The following RIMKLB variants were observed in gnomAD, a reference collection of about 807,000 sequenced individuals.
RIMKLB encodes the protein beta-citrylglutamate synthase B.
RIMKLB carries 7 observed loss-of-function variants against 32.0 expected under a neutral mutation model. The observed-to-expected ratio is 0.22, with a 90% confidence interval of 0.12 to 0.41. The LOEUF is 0.41. Among genes scored for constraint, RIMKLB ranks in the 10% least tolerant of loss-of-function variants. The pLI is 1.00. For missense variants in RIMKLB, 289 were observed against 498.7 expected, an observed-to-expected ratio of 0.58 and a Z score of 4.00; for synonymous variants, 172 against 185.1, an observed-to-expected ratio of 0.93 and a Z score of 0.57.
chr12:8,685,635 A>G (rs1368480400), intron 1 of RIMKLB, among the ~76,000 whole-genome samples: 1 of 147,098 alleles, frequency 6.8e-6, no homozygotes, highest in African/African-American at 2.6e-5. Context: ...ATTTGCAGTG[A>G]TGCCTGCTCT....
At chr12:8,782,393 TTG>T (rs1491259134) in intron 7 of RIMKLB, among the ~76,000 whole-genome samples, 3 of 150,960 alleles carry the variant, frequency 2.0e-5, no homozygotes, top group Non-Finnish European at 4.5e-5. Context: ...GGAGACATCT[TTG>T]TGGTTTTATA....
In RIMKLB at chr12:8,705,338, G is replaced by A. The variant is rs1215367306; in HGVS notation, c.-57+7041G>A. Among the ~76,000 whole-genome samples the A allele has an allele frequency of 2.6e-5, 4 of 152,172 alleles. No homozygotes were observed. In the East Asian group the frequency reaches 7.7e-4, roughly 29 times the overall value. On this transcript the variant is annotated intron_variant, in intron 1 of 5. Coordinates refer to ENST00000535829, the MANE Select transcript of RIMKLB (RefSeq NM_001297776.2). Reference sequence around the variant, plus strand: ...CTAAAAATACAAAAATTAGCCGGGTGTGGTGGCACACGCCTGTAGTCCCAG... The same window carrying A: ...CTAAAAATACAAAAATTAGCCGGGTATGGTGGCACACGCCTGTAGTCCCAG...
At chr12:8,730,465 T>C (rs1157923349) in intron 2 of RIMKLB, among the ~76,000 whole-genome samples, 2 of 152,182 alleles carry the variant, frequency 1.3e-5, no homozygotes, top group African/African-American at 4.8e-5. Context: ...GATGGTCCAT[T>C]GCATGTCTCC....
the RIMKLB span, among the ~76,000 whole-genome samples, chr12:8,672,271 C>CT: frequency 2.0e-5 from 3 of 152,214 alleles, no homozygotes; most frequent in Non-Finnish European, 2.9e-5. Context: ...ACCCTTCAAA[C>CT]TGTTCTAATC....
intron 2 of RIMKLB, among the ~76,000 whole-genome samples, chr12:8,748,422 A>C (rs1038464216): frequency 6.6e-6 from 1 of 151,888 alleles, no homozygotes; most frequent in African/African-American, 2.4e-5. Context: ...TATAGGAAAA[A>C]AAACAGTATA....
chr12:8,674,895 G>T, the RIMKLB span, among the ~76,000 whole-genome samples: 1 of 144,620 alleles, frequency 6.9e-6, no homozygotes, highest in African/African-American at 2.7e-5. Context: ...AGGGAGTCTG[G>T]CTCTGTCTCC....
intron 4 of RIMKLB, among the ~76,000 whole-genome samples, chr12:8,752,265 G>A (rs1948673818): frequency 6.6e-6 from 1 of 152,124 alleles, no homozygotes; most frequent in African/African-American, 2.4e-5. Context: ...GTTAATGTCT[G>A]TATCTTCCTC....
Position 8,774,572 on chromosome 12 carries a change from CT to C in RIMKLB, c.*804del, listed in dbSNP as rs56912350. The C allele has an allele frequency of 0.31, 231,627 of 740,310 alleles. 427 individuals are homozygous for C. Among genetic ancestry groups the C allele is most frequent in the Non-Finnish European group, 0.33 (205,288 of 625,376 alleles). The allele number at this position is 740,310 out of a possible 1,614,324, so 45.9% of individuals were successfully genotyped here. ...TGAAAGATGTGCTCTGTTAATGTTG[CT>C]TTTTTTTTTTTTTTTAATACATGCT... is the stretch of plus-strand genomic sequence containing the variant. On this transcript the variant is annotated 3_prime_UTR_variant, in exon 6 of 6. Transcript: ENST00000535829.
Position 8,777,121 on chromosome 12 carries a change from T to A in RIMKLB, c.*3337T>A. On this transcript the variant is annotated 3_prime_UTR_variant, in exon 6 of 6. Transcript: ENST00000535829. ...GTTTTTATTTGTTTGTTTGTTCAAT[T>A]TTATTTAAGATTTGTTTTTGTTGTA... 1.0e-6 allele frequency: 1 copy of A among 985,648 alleles called. No homozygotes were observed. Among genetic ancestry groups the A allele is most frequent in the Non-Finnish European group, 1.2e-6 (1 of 829,836 alleles). The allele number at this position is 985,648 out of a possible 1,614,324, so 61.1% of individuals were successfully genotyped here.
Position 8,776,353 on chromosome 12 carries a change from TAG to T in RIMKLB, c.*2573_*2574del. ...TTCTTGAATTCCTTCAAGATTGAGG[TAG>T]AGAATAAGAGCAAATCATTCTGGAA... On this transcript the variant is annotated 3_prime_UTR_variant, in exon 6 of 6. Transcript: ENST00000535829. 1.0e-6 allele frequency: 1 copy of T among 983,214 alleles called. No individual in the cohort carries two copies. 60.9% of individuals were successfully genotyped at this position (983,214 alleles called of 1,614,324 possible). A position where few individuals can be genotyped will look rare whatever the true frequency, so the allele number is the denominator to read the frequency against.
the RIMKLB span, among the ~76,000 whole-genome samples, chr12:8,676,571 G>A: frequency 6.6e-6 from 1 of 151,202 alleles, no homozygotes; most frequent in Non-Finnish European, 1.5e-5. Context: ...ACTAATTTTT[G>A]TATTTTTAGT....
rs76262023 is a variant in RIMKLB, at chr12:8,688,319, C to T, written n.219+6501C>T. 4.7e-3 allele frequency among the ~76,000 whole-genome samples: 707 copies of T among 151,920 alleles called. 3 individuals carry two copies. Among genetic ancestry groups the T allele is most frequent in the African/African-American group, 0.016 (671 of 41,378 alleles). ...TTAGTGGAAGTCTGGCAGATTAAGC[C>T]AAGACACAACAAAGTCAGAATTTAG... On this transcript the variant is annotated intron_variant and non_coding_transcript_variant, in intron 1 of 1. Transcript: ENST00000538758.
intron 5 of RIMKLB, among the ~76,000 whole-genome samples, chr12:8,756,944 A>G (rs944247052): frequency 1.3e-5 from 2 of 151,930 alleles, no homozygotes; most frequent in Non-Finnish European, 2.9e-5. Flanking sequence ...AGCCTCCCAA[A>G]TTGCTGGAAG....
chr12:8,703,139 A>G (rs1465221289), intron 1 of RIMKLB, among the ~76,000 whole-genome samples: 1 of 152,116 alleles, frequency 6.6e-6, no homozygotes, highest in Non-Finnish European at 1.5e-5. Context: ...TACAAAAATT[A>G]GCTGGGTGTA....
intron 5 of RIMKLB, among the ~76,000 whole-genome samples, chr12:8,770,508 ACTC>A (rs1291086362): frequency 6.6e-6 from 1 of 151,864 alleles, no homozygotes; most frequent in East Asian, 1.9e-4. Context: ...ACCATGGTTT[ACTC>A]CTCATATTCA....
chr12:8,729,736 A>C (rs578000877), intron 2 of RIMKLB, among the ~76,000 whole-genome samples: 10 of 152,082 alleles, frequency 6.6e-5, no homozygotes, highest in African/African-American at 2.4e-4. Flanking sequence ...AAAGTACTAG[A>C]ATTACAGGCA....
chr12:8,705,934 C>G (rs979681107), intron 1 of RIMKLB, among the ~76,000 whole-genome samples: 1 of 152,152 alleles, frequency 6.6e-6, no homozygotes, highest in African/African-American at 2.4e-5. Flanking sequence ...GATGAAGCCC[C>G]TCCACATTAT....
intron 1 of RIMKLB, among the ~76,000 whole-genome samples, chr12:8,707,821 A>C (rs1191888616): frequency 6.6e-6 from 1 of 152,198 alleles, no homozygotes; most frequent in East Asian, 1.9e-4. Flanking sequence ...TTGTAATATC[A>C]CACTTTTAAG....
intron 2 of RIMKLB, among the ~76,000 whole-genome samples, chr12:8,746,741 T>A (rs1191622159): frequency 1.3e-5 from 2 of 152,182 alleles, no homozygotes; most frequent in East Asian, 3.8e-4. Context: ...TAATTTCTAC[T>A]TTTTTCACCT....
Sources: allele counts gnomAD v4.1 joint callset (sites outside exome capture counted in the v4.1 genomes callset), GRCh38; gene constraint gnomAD v4.1.1; transcripts MANE v1.5; gene names NCBI Gene and HGNC (gene_info 2026-07-23, HGNC 2026-07-21).